The following DPP8 variants were observed in gnomAD, a reference collection of about 807,000 sequenced individuals.
DPP8 encodes DPP VIII.
A neutral mutation model predicts 107.5 loss-of-function variants in DPP8; 31 were observed. That is an observed-to-expected ratio of 0.29 (90% CI 0.22 to 0.39). DPP8 has a LOEUF of 0.39. Among genes scored for constraint, DPP8 ranks in the 10% least tolerant of loss-of-function variants. DPP8 has a pLI of 1.00. For synonymous variants in DPP8, 381 were observed against 356.6 expected, an observed-to-expected ratio of 1.07 and a Z score of -0.77; for missense variants, 842 against 1,076.1, an observed-to-expected ratio of 0.78 and a Z score of 3.04.
intron 1 of DPP8, chr15:65,516,122 C>A: frequency 3.8e-6 from 1 of 260,410 alleles, no homozygotes; most frequent in Non-Finnish European, 7.1e-6. Flanking sequence ...TATTGCAAAT[C>A]ATCAAAAACG....
chr15:65,470,257 C>G (rs1028204572), intron 12 of DPP8, among the ~76,000 whole-genome samples: 31 of 146,086 alleles, frequency 2.1e-4, no homozygotes, highest in African/African-American at 7.8e-4. Context: ...TGGGAACAGT[C>G]ACTTGTAAAA....
At chr15:65,484,199 G>A (rs764520990) in intron 8 of DPP8, among the ~76,000 whole-genome samples, 5 of 151,754 alleles carry the variant, frequency 3.3e-5, no homozygotes, top group Admixed American at 1.3e-4. Context: ...GTGGTGGTGC[G>A]CCTGTAATTC....
At chr15:65,499,990 G>A (rs1397809029) in intron 4 of DPP8, among the ~76,000 whole-genome samples, 1 of 152,054 alleles carries the variant, frequency 6.6e-6, no homozygotes, top group Admixed American at 6.6e-5. Flanking sequence ...TTGACCTCCA[G>A]GTTCAAGTGA....
intron 11 of DPP8, 93 bp downstream of exon 11, chr15:65,478,787 G>A: frequency 2.4e-6 from 2 of 840,146 alleles, no homozygotes; most frequent in Non-Finnish European, 3.7e-6. Context: ...AAGTATTGAT[G>A]CTTATAAAGC....
chr15:65,462,515 G>A (rs762979830), intron 15 of DPP8, among the ~76,000 whole-genome samples: 2 of 152,020 alleles, frequency 1.3e-5, no homozygotes, highest in Non-Finnish European at 2.9e-5. Flanking sequence ...TTCTTCCAAG[G>A]CTCAGTGTAG....
intron 19 of DPP8, among the ~76,000 whole-genome samples, chr15:65,449,383 C>T (rs1474489628): frequency 6.6e-6 from 1 of 151,184 alleles, no homozygotes; most frequent in Non-Finnish European, 1.5e-5. Flanking sequence ...ATAGTATTTA[C>T]AATTATCTGA....
At position 65,445,868 on chromosome 15, in the gene DPP8, T is replaced by TA. The variant is rs902051443; in HGVS notation, c.*1015dup. 56 of 152,174 alleles carry TA rather than the reference T, an allele frequency of 3.7e-4. No homozygotes were observed. The highest frequency in any genetic ancestry group is 1.3e-3 in the African/African-American group (53 of 41,446). 9.4% of individuals were successfully genotyped at this position (152,174 alleles called of 1,614,324 possible). A position where few individuals can be genotyped will look rare whatever the true frequency, so the allele number is the denominator to read the frequency against. ...CAAACATTTTCATGAGTATTTTTGT[T>TA]AAAACTACTTCTGCTTAGTTTTTAA... On this transcript the variant is annotated 3_prime_UTR_variant, in exon 20 of 20. Coordinates refer to ENST00000300141, the MANE Select transcript of DPP8 (RefSeq NM_130434.5).
chr15:65,462,261 G>A (rs759633993), intron 15 of DPP8, among the ~76,000 whole-genome samples: 5 of 152,192 alleles, frequency 3.3e-5, no homozygotes, highest in African/African-American at 4.8e-5. Flanking sequence ...GAGCCACAGC[G>A]CCCGGCTAAC....
intron 2 of DPP8, among the ~76,000 whole-genome samples, chr15:65,508,713 G>A (rs556775803): frequency 1.3e-5 from 2 of 152,046 alleles, no homozygotes; most frequent in South Asian, 2.1e-4. Flanking sequence ...TTAGCCAGGC[G>A]TGGTGGCACA....
chr15:65,494,048 T>C (rs936393442), intron 5 of DPP8, among the ~76,000 whole-genome samples: 1 of 151,002 alleles, frequency 6.6e-6, no homozygotes, highest in Non-Finnish European at 1.5e-5. Context: ...TTAATTAATA[T>C]CTGTTTTTAC....
At chr15:65,486,907 A>G (rs536866202) in intron 7 of DPP8, among the ~76,000 whole-genome samples, 16 of 152,152 alleles carry the variant, frequency 1.1e-4, no homozygotes, top group Non-Finnish European at 2.2e-4. Context: ...GGGTGCACCA[A>G]AATCTCAGAA....
At chr15:65,476,304 T>C (rs2066386101) in intron 11 of DPP8, among the ~76,000 whole-genome samples, 1 of 152,106 alleles carries the variant, frequency 6.6e-6, no homozygotes, top group Non-Finnish European at 1.5e-5. Context: ...TTAAATACTA[T>C]AGACAGAAAT....
At chr15:65,491,024 G>T (rs902836049) in intron 5 of DPP8, among the ~76,000 whole-genome samples, 2 of 151,940 alleles carry the variant, frequency 1.3e-5, no homozygotes, top group African/African-American at 2.4e-5. Flanking sequence ...CAGGCATGGT[G>T]CCAGGAGCCT....
At chr15:65,480,446 C>G (rs1033795879) in intron 9 of DPP8, 47 bp from the exon 10 acceptor site, 2 of 1,462,766 alleles carry the variant, frequency 1.4e-6, no homozygotes, top group Admixed American at 2.0e-5. Context: ...AGCAAGCTAT[C>G]AGAAAAAGAT....
At chr15:65,480,525 A>G (rs577845793) in intron 9 of DPP8, 126 bp from the exon 10 acceptor site, 155 of 542,798 alleles carry the variant, frequency 2.9e-4, no homozygotes, top group Middle Eastern at 2.5e-3. Flanking sequence ...GCTTTAGTGT[A>G]TATTAAATTA....
intron 8 of DPP8, 56 bp from the exon 9 acceptor site, chr15:65,481,671 G>C: frequency 2.9e-6 from 3 of 1,033,940 alleles, no homozygotes; most frequent in Non-Finnish European, 4.2e-6. Flanking sequence ...TAAATAATTA[G>C]CTTGCTAGTC....
intron 5 of DPP8, among the ~76,000 whole-genome samples, chr15:65,494,446 C>T (rs140160070): frequency 6.6e-6 from 1 of 151,318 alleles, no homozygotes; most frequent in Non-Finnish European, 1.5e-5. Flanking sequence ...TGGTCTTGAA[C>T]TCCTGGGCTC....
chr15:65,512,117 A>G (rs1204819546), intron 2 of DPP8, 178 bp downstream of exon 2: 1 of 746,234 alleles, frequency 1.3e-6, no homozygotes, highest in Admixed American at 2.1e-5. Flanking sequence ...ACCTACAAGT[A>G]AAAATAAAGT....
At chr15:65,514,677 A>T (rs1034452970) in intron 1 of DPP8, among the ~76,000 whole-genome samples, 1 of 151,996 alleles carries the variant, frequency 6.6e-6, no homozygotes, top group Non-Finnish European at 1.5e-5. Context: ...TGCCCAGTTA[A>T]TTTTTGTATT....
Sources: gnomAD v4.1 joint callset for allele counts (sites outside exome capture counted in the v4.1 genomes callset) on GRCh38, gnomAD v4.1.1 for gene constraint, MANE v1.5 for transcripts, NCBI Gene and HGNC (gene_info 2026-07-23, HGNC 2026-07-21) for gene names.